Variants in ADAMTS17 observed in about 807,000 individuals in gnomAD.
ADAMTS17 encodes the protein A disintegrin and metalloproteinase with thrombospondin motifs 17.
In ADAMTS17, 113 loss-of-function variants were observed where a neutral mutation model predicts 141.5. That is an observed-to-expected ratio of 0.80 (90% confidence interval 0.69 to 0.93). The LOEUF (loss-of-function observed/expected upper bound fraction) is 0.93, where lower values mean the gene tolerates loss of function less well. Ranked by LOEUF, ADAMTS17 falls within the 40% of genes least tolerant of loss-of-function variation. The probability of loss-of-function intolerance (pLI) is 0.00; values close to 1 mark genes in which losing one functional copy is unlikely to be tolerated. For missense variants in ADAMTS17, 1,659 were observed against 1,517.9 expected (o/e 1.09, Z -1.54); for synonymous variants, 768 against 630.6 (o/e 1.22, Z -3.27).
intron 4 of ADAMTS17, among the ~76,000 whole-genome samples, chr15:100,269,957 A>G (rs1356827026): frequency 2.6e-5 from 4 of 152,182 alleles, no homozygotes; most frequent in Non-Finnish European, 5.9e-5. Context: ...AACCAATACA[A>G]GAAGGGCCAA....
chr15:100,207,319 G>T (rs1008347150), intron 7 of ADAMTS17, among the ~76,000 whole-genome samples: 1 of 152,186 alleles, frequency 6.6e-6, no homozygotes, highest in Non-Finnish European at 1.5e-5. Context: ...AGTCCTACTG[G>T]CACTGCGGAG....
At chr15:100,203,884 C>A (rs2041434128) in intron 7 of ADAMTS17, among the ~76,000 whole-genome samples, 1 of 150,148 alleles carries the variant, frequency 6.7e-6, no homozygotes, top group Non-Finnish European at 1.5e-5. Context: ...GGTGACAGAC[C>A]AAGACTCTGT....
chr15:100,155,834 C>G (rs756288454), intron 8 of ADAMTS17, among the ~76,000 whole-genome samples: 1 of 152,208 alleles, frequency 6.6e-6, no homozygotes, highest in Non-Finnish European at 1.5e-5. Context: ...AAGATCACAC[C>G]TGTCACCTTC....
At chr15:100,219,108 T>C (rs4965597) in intron 7 of ADAMTS17, among the ~76,000 whole-genome samples, 49,604 of 152,022 alleles carry the variant, frequency 0.33, 8,491 homozygotes, top group East Asian at 0.44. Context: ...AGGCCACATA[T>C]TGTATGATTC....
intron 9 of ADAMTS17, 75 bp from the exon 10 acceptor site, chr15:100,152,837 T>TTC: frequency 1.3e-6 from 2 of 1,568,404 alleles, no homozygotes; most frequent in Non-Finnish European, 8.6e-7. Context: ...CTTTTTTTTT[T>TTC]TGAGTTTTCA....
At chr15:100,048,723 G>A (rs550674582) in intron 18 of ADAMTS17, 134 bp downstream of exon 18, 1 of 1,395,174 alleles carries the variant, frequency 7.2e-7, no homozygotes, top group African/African-American at 1.4e-5. Context: ...TGAGCAAGCG[G>A]AAATCTCTCA....
At chr15:100,279,295 C>T (rs1213735813) in intron 4 of ADAMTS17, among the ~76,000 whole-genome samples, 1 of 152,228 alleles carries the variant, frequency 6.6e-6, no homozygotes, top group Non-Finnish European at 1.5e-5. Flanking sequence ...AGCACTTACC[C>T]CTGAGCTCCA....
At chr15:100,088,591 A>G (rs2035254355) in intron 15 of ADAMTS17, among the ~76,000 whole-genome samples, 1 of 152,084 alleles carries the variant, frequency 6.6e-6, no homozygotes, top group Admixed American at 6.6e-5. Flanking sequence ...TTCAAACTAT[A>G]CTACAAGGCT....
chr15:100,008,019 T>C (rs922105862), intron 18 of ADAMTS17, among the ~76,000 whole-genome samples: 1 of 151,984 alleles, frequency 6.6e-6, no homozygotes, highest in African/African-American at 2.4e-5. Context: ...GCACCTGTAG[T>C]GCTGGGGCCT....
At chr15:100,161,292 T>C (rs2039682718) in intron 8 of ADAMTS17, among the ~76,000 whole-genome samples, 1 of 152,172 alleles carries the variant, frequency 6.6e-6, no homozygotes, top group African/African-American at 2.4e-5. Flanking sequence ...CCTCTGCCAC[T>C]CTGGAAGCTT....
chr15:100,114,659 A>G (rs2036998777), intron 13 of ADAMTS17, among the ~76,000 whole-genome samples: 1 of 152,202 alleles, frequency 6.6e-6, no homozygotes, highest in African/African-American at 2.4e-5. Flanking sequence ...TTTTCAGATC[A>G]AAGGCGGTGG....
chr15:100,048,739 A>T, intron 18 of ADAMTS17, 118 bp downstream of exon 18: 1 of 1,487,856 alleles, frequency 6.7e-7, no homozygotes, highest in Non-Finnish European at 9.2e-7. Context: ...TCTCATCAAC[A>T]ATAACGGAAC....
intron 18 of ADAMTS17, among the ~76,000 whole-genome samples, chr15:100,046,567 CAGA>C (rs1320903027): frequency 2.0e-5 from 3 of 152,220 alleles, no homozygotes; most frequent in African/African-American, 7.2e-5. Flanking sequence ...GAAGCCATGG[CAGA>C]AGAACGTGGA....
chr15:100,098,131 A>G lies in ADAMTS17; in HGVS notation c.2017-1655T>C, dbSNP rs535608369. On this transcript the variant is annotated intron_variant, in intron 14 of 21. Coordinates refer to ENST00000268070, the MANE Select transcript of ADAMTS17 (RefSeq NM_139057.4). The stretch of plus-strand genomic sequence containing the variant: ...CCAGAGGACAGCAAGGAGCAAATGG[A>G]TAACAGTGGGCTTGATGGTGGCTGG... Among the ~76,000 whole-genome samples the G allele has an allele frequency of 4.6e-5, 7 of 152,340 alleles. No individual in the cohort carries two copies. The East Asian group carries it at 7.7e-4, about 17-fold the overall frequency.
At chr15:100,130,055 T>C (rs1477817593) in intron 12 of ADAMTS17, among the ~76,000 whole-genome samples, 1 of 152,162 alleles carries the variant, frequency 6.6e-6, no homozygotes, top group Non-Finnish European at 1.5e-5. Context: ...TCTACCCACC[T>C]ATGCCCTTAA....
At chr15:100,142,223 G>T (rs2038690231) in intron 10 of ADAMTS17, among the ~76,000 whole-genome samples, 1 of 152,214 alleles carries the variant, frequency 6.6e-6, no homozygotes. Flanking sequence ...TTGTCCCAAG[G>T]TAGAATTTTG....
chr15:100,225,173 C>G (rs1385038939), intron 7 of ADAMTS17, among the ~76,000 whole-genome samples: 1 of 152,234 alleles, frequency 6.6e-6, no homozygotes, highest in Non-Finnish European at 1.5e-5. Flanking sequence ...ACATACTTAA[C>G]CATCTTGGTA....
intron 7 of ADAMTS17, among the ~76,000 whole-genome samples, chr15:100,205,592 G>A (rs1034362122): frequency 6.6e-6 from 1 of 152,092 alleles, no homozygotes; most frequent in African/African-American, 2.4e-5. Context: ...GAGAGGCTCA[G>A]GGGCTTCTGA....
intron 7 of ADAMTS17, among the ~76,000 whole-genome samples, chr15:100,247,194 T>C (rs538359639): frequency 2.0e-4 from 30 of 152,258 alleles, no homozygotes; most frequent in Non-Finnish European, 3.5e-4. Context: ...GCCTGAAGAC[T>C]ATACTTCTAA....
Sources: gnomAD v4.1 joint callset for allele counts (sites outside exome capture counted in the v4.1 genomes callset) on GRCh38, gnomAD v4.1.1 for gene constraint, MANE v1.5 for transcripts, NCBI Gene and HGNC (gene_info 2026-07-23, HGNC 2026-07-21) for gene names.